SUCLG2: variants seen among roughly 807,000 people sequenced by gnomAD.
SUCLG2 encodes succinate-CoA ligase GDP-forming subunit beta, also known as succinate--CoA ligase [GDP-forming] subunit beta, mitochondrial.
Under a neutral mutation model 47.9 loss-of-function variants are expected in SUCLG2, and 42 were observed. The observed-to-expected ratio is 0.88, with a 90% CI of 0.69 to 1.14. SUCLG2 has a LOEUF of 1.14. Ranked by LOEUF, SUCLG2 falls within the 50% of genes most tolerant of loss-of-function variation. The pLI, the probability that SUCLG2 is intolerant of heterozygous loss-of-function variation, is 0.00. For synonymous variants in SUCLG2, 195 were observed against 197.3 expected, an observed-to-expected ratio of 0.99 and a Z score of 0.10; for missense variants, 571 against 525.9, an observed-to-expected ratio of 1.09 and a Z score of -0.84.
At chr3:67,589,819 G>C (rs568469866) in intron 2 of SUCLG2, among the ~76,000 whole-genome samples, 1 of 152,296 alleles carries the variant, frequency 6.6e-6, no homozygotes, top group East Asian at 1.9e-4. Flanking sequence ...GCTAGGGGGA[G>C]GTAATCCCTA....
intron 1 of SUCLG2, among the ~76,000 whole-genome samples, chr3:67,621,940 C>T (rs1700743361): frequency 6.6e-6 from 1 of 152,220 alleles, no homozygotes; most frequent in Admixed American, 6.5e-5. Context: ...CATTCCACCA[C>T]ATCAGAGCTG....
At chr3:67,561,397 C>A (rs1031316816) in intron 2 of SUCLG2, among the ~76,000 whole-genome samples, 3 of 152,066 alleles carry the variant, frequency 2.0e-5, no homozygotes, top group Non-Finnish European at 4.4e-5. Flanking sequence ...ATTAAGACAT[C>A]CTTACATGTG....
intron 2 of SUCLG2, among the ~76,000 whole-genome samples, chr3:67,582,597 T>C (rs1707909646): frequency 6.6e-6 from 1 of 152,196 alleles, no homozygotes. Flanking sequence ...TGTGTCTTCA[T>C]GGCAGAATGA....
intron 2 of SUCLG2, among the ~76,000 whole-genome samples, chr3:67,566,114 C>T (rs1394628651): frequency 6.6e-6 from 1 of 152,226 alleles, no homozygotes; most frequent in Non-Finnish European, 1.5e-5. Flanking sequence ...ACGACAAGCA[C>T]TTGAGTGAGC....
intron 4 of SUCLG2, among the ~76,000 whole-genome samples, chr3:67,525,793 CA>C (rs2107140515): frequency 6.6e-6 from 1 of 152,196 alleles, no homozygotes; most frequent in South Asian, 2.1e-4. Flanking sequence ...TGGACTTCAT[CA>C]AAATTAAACA....
chr3:67,489,750 T>C (rs1425870782), intron 9 of SUCLG2, among the ~76,000 whole-genome samples: 1 of 152,134 alleles, frequency 6.6e-6, no homozygotes, highest in Middle Eastern at 3.2e-3. Context: ...TTTGTTACAA[T>C]AAATTAAAAT....
chr3:67,540,984 TAACA>T (rs1385669296), intron 2 of SUCLG2, among the ~76,000 whole-genome samples: 1 of 152,106 alleles, frequency 6.6e-6, no homozygotes, highest in Non-Finnish European at 1.5e-5. Context: ...GAAGAAAAAC[TAACA>T]AACAGAAAGG....
Position 67,375,226 on chromosome 3 carries a change from G to A in SUCLG2, c.*518C>T, listed in dbSNP as rs901146682. 9.1e-6 allele frequency: 9 copies of A among 985,750 alleles called. No individual in the cohort carries two copies. In the African/African-American group the frequency reaches 1.6e-4, roughly 17 times the overall value. 61.1% of individuals were successfully genotyped at this position (985,750 alleles called of 1,614,324 possible). ...TTAGAATTAGAAACCTGTAAAATCTGCAGTAGTGTGTAATAGCTATTTGCT... is the reference window on the plus strand; with the variant it reads ...TTAGAATTAGAAACCTGTAAAATCTACAGTAGTGTGTAATAGCTATTTGCT... On this transcript the variant is annotated 3_prime_UTR_variant, in exon 11 of 11. Transcript: ENST00000307227.
intron 2 of SUCLG2, among the ~76,000 whole-genome samples, chr3:67,556,626 T>A (rs569694653): frequency 6.6e-6 from 1 of 152,324 alleles, no homozygotes; most frequent in African/African-American, 2.4e-5. Flanking sequence ...CTGCATATAT[T>A]TCTTGGCTTT....
chr3:67,468,006 T>A (rs1704515540), intron 9 of SUCLG2, among the ~76,000 whole-genome samples: 1 of 152,164 alleles, frequency 6.6e-6, no homozygotes, highest in South Asian at 2.1e-4. Context: ...ATAATACAGA[T>A]GCCCAAATGA....
chr3:67,489,082 G>A (rs1459653225), intron 9 of SUCLG2, among the ~76,000 whole-genome samples: 1 of 152,122 alleles, frequency 6.6e-6, no homozygotes, highest in African/African-American at 2.4e-5. Flanking sequence ...TTCTATTAGG[G>A]ATGGTTTGAA....
intron 7 of SUCLG2, among the ~76,000 whole-genome samples, chr3:67,507,577 C>T (rs1454986522): frequency 6.6e-6 from 1 of 151,854 alleles, no homozygotes; most frequent in Non-Finnish European, 1.5e-5. Context: ...AATAACTTGC[C>T]CAGATCCGTA....
At chr3:67,393,220 T>C (rs1457341020) in intron 10 of SUCLG2, among the ~76,000 whole-genome samples, 2 of 152,228 alleles carry the variant, frequency 1.3e-5, no homozygotes, top group Non-Finnish European at 2.9e-5. Flanking sequence ...GGGCGAGGCA[T>C]TGCCTCACTC....
intron 2 of SUCLG2, among the ~76,000 whole-genome samples, chr3:67,606,817 G>A (rs1390704093): frequency 6.6e-6 from 1 of 152,162 alleles, no homozygotes; most frequent in Non-Finnish European, 1.5e-5. Context: ...AAAAGGGCTT[G>A]CCTGTCTTGC....
At chr3:67,462,367 T>C (rs1342961124) in intron 9 of SUCLG2, among the ~76,000 whole-genome samples, 1 of 152,202 alleles carries the variant, frequency 6.6e-6, no homozygotes, top group Admixed American at 6.5e-5. Flanking sequence ...GAAGCATCTG[T>C]ATAGACAGGC....
At chr3:67,407,887 T>C (rs568031564) in intron 9 of SUCLG2, among the ~76,000 whole-genome samples, 1 of 152,352 alleles carries the variant, frequency 6.6e-6, no homozygotes, top group East Asian at 1.9e-4. Flanking sequence ...ATTCTAATCA[T>C]GTCTTCTAAT....
Position 67,498,321 on chromosome 3 carries a change from C to T in SUCLG2, c.758-26G>A, listed in dbSNP as rs375180936. The T allele has an allele frequency of 3.1e-5, 50 of 1,609,386 alleles. No homozygotes were observed. The African/African-American group carries it at 4.3e-4, about 14-fold the overall frequency. On this transcript the variant is annotated intron_variant, in intron 7 of 10. Transcript: ENST00000307227. ...CTAAATAAAGAAGAAAACAATCATA[C>T]TTGAATATCTCTTGAGGATCTATAA...
chr3:67,649,817 A>G (rs1031941155), intron 1 of SUCLG2, among the ~76,000 whole-genome samples: 2 of 152,238 alleles, frequency 1.3e-5, no homozygotes, highest in Non-Finnish European at 2.9e-5. Flanking sequence ...TGAGTGGTAA[A>G]GACAGCTGAA....
chr3:67,447,130 T>G (rs913129946), intron 9 of SUCLG2, among the ~76,000 whole-genome samples: 1 of 152,212 alleles, frequency 6.6e-6, no homozygotes, highest in Non-Finnish European at 1.5e-5. Context: ...CTGAAAAACA[T>G]GCTAAAATTC....
Sources: allele counts gnomAD v4.1 joint callset (sites outside exome capture counted in the v4.1 genomes callset), GRCh38; gene constraint gnomAD v4.1.1; transcripts MANE v1.5; gene names NCBI Gene and HGNC (gene_info 2026-07-23, HGNC 2026-07-21).